Variants in CACNA2D1 observed in about 807,000 individuals in gnomAD.
The protein encoded by CACNA2D1 is voltage-dependent calcium channel subunit alpha-2/delta-1.
In CACNA2D1, 53 loss-of-function variants were observed where a neutral mutation model predicts 171.5. The ratio of observed to expected loss-of-function variants is 0.31; its 90% confidence interval spans 0.25 to 0.39. CACNA2D1 has a LOEUF of 0.39. CACNA2D1 is among the 10% of genes least tolerant of loss of function. The pLI is 1.00. For missense variants in CACNA2D1, 903 were observed against 1,299.8 expected (o/e 0.69, Z 4.69); for synonymous variants, 442 against 443.1 (o/e 1.00, Z 0.03).
At chr7:82,192,785 C>G (rs932710395) in intron 3 of CACNA2D1, among the ~76,000 whole-genome samples, 1 of 144,020 alleles carries the variant, frequency 6.9e-6, no homozygotes, top group African/African-American at 2.6e-5. Context: ...AACTTTTCTT[C>G]TGTAACTCTA....
intron 10 of CACNA2D1, among the ~76,000 whole-genome samples, chr7:82,054,298 A>G (rs770106293): frequency 4.8e-4 from 73 of 152,216 alleles, no homozygotes; most frequent in Non-Finnish European, 8.2e-4. Context: ...ATTCATGTCA[A>G]CCCAACTTTT....
intron 11 of CACNA2D1, 103 bp from the exon 12 acceptor site, chr7:82,033,004 G>T: frequency 1.4e-6 from 1 of 707,858 alleles, no homozygotes; most frequent in Non-Finnish European, 2.5e-6. Context: ...AGTAATTAAT[G>T]AAATATCTGC....
intron 3 of CACNA2D1, among the ~76,000 whole-genome samples, chr7:82,318,363 T>C (rs555859508): frequency 6.6e-6 from 1 of 152,266 alleles, no homozygotes; most frequent in East Asian, 1.9e-4. Context: ...ACTCCTAAAA[T>C]ATACTCACTT....
intron 10 of CACNA2D1, among the ~76,000 whole-genome samples, chr7:82,047,064 G>A (rs1804637647): frequency 6.6e-6 from 1 of 151,996 alleles, no homozygotes; most frequent in Admixed American, 6.6e-5. Flanking sequence ...GGATCCCCCT[G>A]CATCTCCACC....
At chr7:82,085,586 T>C (rs1329346363) in intron 6 of CACNA2D1, among the ~76,000 whole-genome samples, 1 of 150,942 alleles carries the variant, frequency 6.6e-6, no homozygotes, top group African/African-American at 2.4e-5. Flanking sequence ...ACAACAAAAA[T>C]GTACATATTT....
intron 3 of CACNA2D1, among the ~76,000 whole-genome samples, chr7:82,326,169 A>G (rs911514994): frequency 6.6e-6 from 1 of 152,160 alleles, no homozygotes; most frequent in Non-Finnish European, 1.5e-5. Context: ...TCTTTCTTAA[A>G]TGTACGTATA....
intron 4 of CACNA2D1, among the ~76,000 whole-genome samples, chr7:82,164,463 A>C (rs1359499988): frequency 1.3e-5 from 2 of 152,040 alleles, no homozygotes; most frequent in Admixed American, 6.6e-5. Flanking sequence ...CAAAAATATG[A>C]AGAAATTGGA....
intron 5 of CACNA2D1, among the ~76,000 whole-genome samples, chr7:82,118,355 A>G (rs1789320809): frequency 6.7e-6 from 1 of 149,252 alleles, no homozygotes; most frequent in South Asian, 2.1e-4. Context: ...ACTCTACCCT[A>G]ACTGTATTTG....
rs1167124952 is a variant in CACNA2D1 at position 81,947,742 on chromosome 7, C to T, written c.*2650G>A. On this transcript the variant is annotated 3_prime_UTR_variant, in exon 39 of 39. Transcript: ENST00000356860. ...ATAATTTAAGTTCTTGTCAATGTAA[C>T]TCAGAAAAATACTAAATGTAATGTA... 2 of 151,774 alleles carry T rather than the reference C, an allele frequency of 1.3e-5. No homozygotes were observed. The highest frequency in any genetic ancestry group is 2.9e-5 in the Non-Finnish European group (2 of 67,832). The allele number at this position is 151,774 out of a possible 1,614,324, so 9.4% of individuals were successfully genotyped here. A position where few individuals can be genotyped will look rare whatever the true frequency, so the allele number is the denominator to read the frequency against.
intron 3 of CACNA2D1, among the ~76,000 whole-genome samples, chr7:82,295,055 T>C (rs1402921244): frequency 6.6e-6 from 1 of 152,142 alleles, no homozygotes; most frequent in Non-Finnish European, 1.5e-5. Context: ...CACAAAAATC[T>C]TTCAGGAAAG....
chr7:82,212,450 T>C (rs915327649), intron 3 of CACNA2D1, among the ~76,000 whole-genome samples: 6 of 152,242 alleles, frequency 3.9e-5, no homozygotes, highest in Admixed American at 1.3e-4. Context: ...CCAAGACTTA[T>C]ACTCAATCAT....
Position 81,971,784 on chromosome 7 carries a change from T to C in CACNA2D1, c.2134A>G (p.Lys712Glu). Residue 712 changes from lysine to glutamate, a missense_variant, in exon 26 of 39, where the codon AAA (lysine) becomes GAA (glutamate). This residue lies in a region of CACNA2D1 where 623 missense variants were observed against 925.5 expected (regional missense o/e 0.67). Transcript: ENST00000356860. Reference sequence around the variant, plus strand: ...ATAAGAACAAATACTTACATATTTTTCTGCTTACTCCAGTAATTTTGGACA... The same window carrying C: ...ATAAGAACAAATACTTACATATTTTCCTGCTTACTCCAGTAATTTTGGACA... ...ELVQNYWSKQ[K>E]NIKGVKARFV... 6.4e-7 allele frequency: 1 copy of C among 1,561,244 alleles called. No individual in the cohort carries two copies. The highest frequency in any genetic ancestry group is 1.1e-5 in the South Asian group (1 of 89,756).
At chr7:82,416,400 A>G (rs908236180) in intron 1 of CACNA2D1, among the ~76,000 whole-genome samples, 2 of 152,126 alleles carry the variant, frequency 1.3e-5, no homozygotes, top group African/African-American at 4.8e-5. Context: ...TGCTCAGGCT[A>G]CCATAACAAA....
At chr7:82,307,685 T>C (rs949329516) in intron 3 of CACNA2D1, among the ~76,000 whole-genome samples, 6 of 152,092 alleles carry the variant, frequency 3.9e-5, no homozygotes, top group Non-Finnish European at 8.8e-5. Flanking sequence ...CTTCTAGCCA[T>C]CTTTGGGGGT....
intron 7 of CACNA2D1, among the ~76,000 whole-genome samples, chr7:82,072,246 G>T (rs1055240992): frequency 7.2e-5 from 11 of 151,986 alleles, no homozygotes; most frequent in African/African-American, 2.4e-4. Flanking sequence ...ATAATACAAA[G>T]AGATGATGAA....
At chr7:82,146,983 C>CAAAAAA (rs764990586) in intron 4 of CACNA2D1, among the ~76,000 whole-genome samples, 37 of 25,510 alleles carry the variant, frequency 1.5e-3, no homozygotes, top group Admixed American at 2.5e-3. Context: ...ACTCCCATCT[C>CAAAAAA]AAAAAAAAAA....
At chr7:82,055,489 A>G (rs527313144) in intron 10 of CACNA2D1, among the ~76,000 whole-genome samples, 1 of 152,080 alleles carries the variant, frequency 6.6e-6, no homozygotes, top group East Asian at 2.0e-4. Flanking sequence ...CACTACTCAC[A>G]ATAGCAAAGA....
Position 82,107,803 on chromosome 7 carries a change from C to T in CACNA2D1, c.526+9241G>A, listed in dbSNP as rs143630898. Among the ~76,000 whole-genome samples, 397 of 151,926 alleles carry T rather than the reference C, an allele frequency of 2.6e-3. 4 individuals carry two copies. The highest frequency in any genetic ancestry group is 9.1e-3 in the African/African-American group (378 of 41,470). On this transcript the variant is annotated intron_variant, in intron 6 of 38. Coordinates refer to ENST00000356860, the MANE Select transcript of CACNA2D1 (RefSeq NM_000722.4). ...TTCACCATGTTGGCCAGGCTGGTCT[C>T]GAACTCCTGACCTCAGATGATCCGC...
intron 27 of CACNA2D1, 132 bp from the exon 28 acceptor site, chr7:81,970,116 T>C (rs1795113455): frequency 1.4e-6 from 1 of 689,826 alleles, no homozygotes; most frequent in East Asian, 2.7e-5. Flanking sequence ...TGGTAATTGA[T>C]AGCATAACTG....
Sources: gnomAD v4.1 joint callset for allele counts (sites outside exome capture counted in the v4.1 genomes callset) on GRCh38, gnomAD v4.1.1 for gene constraint, gnomAD v4.1.1 regional missense constraint, MANE v1.5 for transcripts, NCBI Gene and HGNC (gene_info 2026-07-23, HGNC 2026-07-21) for gene names.